The following GPRC6A variants were observed in gnomAD, a reference collection of about 807,000 sequenced individuals.
GPRC6A encodes G protein-coupled receptor class C group 6 member A, also known as G protein-coupled receptor family C group 6 member A.
GPRC6A carries 54 observed loss-of-function variants against 47.0 expected under a neutral mutation model. The observed-to-expected ratio is 1.15, with a 90% CI of 0.92 to 1.44. GPRC6A has a LOEUF of 1.44. Among genes scored for constraint, GPRC6A ranks in the 40% most tolerant of loss-of-function variants. GPRC6A has a pLI of 0.00. For missense variants in GPRC6A, 1,112 were observed against 1,105.5 expected, an observed-to-expected ratio of 1.01 and a Z score of -0.08; for synonymous variants, 347 against 377.1, an observed-to-expected ratio of 0.92 and a Z score of 0.93.
chr6:116,798,702 G>A (rs1384249608), intron 4 of GPRC6A, among the ~76,000 whole-genome samples: 1 of 151,900 alleles, frequency 6.6e-6, no homozygotes, highest in Non-Finnish European at 1.5e-5. Context: ...GGTCAACATG[G>A]TTAAACCTCG....
At chr6:116,799,764 T>C (rs1772601637) in intron 4 of GPRC6A, among the ~76,000 whole-genome samples, 1 of 152,128 alleles carries the variant, frequency 6.6e-6, no homozygotes, top group Non-Finnish European at 1.5e-5. Context: ...ATGTGTATAA[T>C]GTAGAAGAAA....
chr6:116,821,748 A>G (rs1178169966), intron 1 of GPRC6A, among the ~76,000 whole-genome samples: 1 of 152,014 alleles, frequency 6.6e-6, no homozygotes, highest in Non-Finnish European at 1.5e-5. Context: ...ACCTAAAACC[A>G]TAAAAACCCT....
At chr6:116,807,733 A>G (rs1772901169) in intron 2 of GPRC6A, among the ~76,000 whole-genome samples, 1 of 152,124 alleles carries the variant, frequency 6.6e-6, no homozygotes, top group Non-Finnish European at 1.5e-5. Flanking sequence ...TGTCATATCT[A>G]TTTTTTTGTT....
Position 116,806,622 on chromosome 6 carries a change from T to C in GPRC6A, c.1083A>G (p.Leu361=). ...TGTCCTTGACATATGCGCAGGCAGA[T>C]AAATGCATGGCATATTCATGTAAGA... ...HKLLHEYAMH[L]SACAYVKDTD... is the part of the protein sequence containing the mutation. Residue 361 remains leucine, a synonymous_variant, in exon 3 of 6, where the codon TTA becomes TTG. Coordinates refer to ENST00000310357, the MANE Select transcript of GPRC6A (RefSeq NM_148963.4). 1.2e-6 allele frequency: 2 copies of C among 1,613,482 alleles called. No homozygotes were observed. Among genetic ancestry groups the C allele is most frequent in the Non-Finnish European group, 1.7e-6 (2 of 1,179,610 alleles).
At chr6:116,813,722 C>A (rs954849623) in intron 1 of GPRC6A, among the ~76,000 whole-genome samples, 28 of 152,164 alleles carry the variant, frequency 1.8e-4, no homozygotes, top group Non-Finnish European at 3.2e-4. Context: ...ACTAAAACAC[C>A]AAAAGCAATG....
chr6:116,827,526 T>C (rs1167229642), intron 1 of GPRC6A, among the ~76,000 whole-genome samples: 1 of 151,978 alleles, frequency 6.6e-6, no homozygotes, highest in Non-Finnish European at 1.5e-5. Flanking sequence ...TAATAAGTAG[T>C]TGTGCAATGT....
chr6:116,817,143 C>T (rs1424805165), intron 1 of GPRC6A, among the ~76,000 whole-genome samples: 1 of 151,894 alleles, frequency 6.6e-6, no homozygotes, highest in African/African-American at 2.4e-5. Flanking sequence ...CCCTGTCTGA[C>T]AGCTTTGAAG....
chr6:116,809,246 G>A lies in GPRC6A; in HGVS notation c.498+68C>T, dbSNP rs1772946799. 2.3e-6 allele frequency: 3 copies of A among 1,324,890 alleles called. No homozygotes were observed. The South Asian group carries it at 4.1e-5, about 18-fold the overall frequency. The allele number at this position is 1,324,890 out of a possible 1,614,324, so 82.1% of individuals were successfully genotyped here. A position where few individuals can be genotyped will look rare whatever the true frequency, so the allele number is the denominator to read the frequency against. ...GTGACTCCCTAACTAGTTTCCTCAG[G>A]TTTCCCTGATCCTTTCATAATAACA... On this transcript the variant is annotated intron_variant, in intron 2 of 5. Coordinates refer to ENST00000310357, the MANE Select transcript of GPRC6A (RefSeq NM_148963.4).
chr6:116,807,337 TCTC>T (rs1248919515), intron 2 of GPRC6A, 131 bp from the exon 3 acceptor site: 1 of 635,788 alleles, frequency 1.6e-6, no homozygotes, highest in East Asian at 2.6e-5. Context: ...TTTTCATCCT[TCTC>T]CTTACTTAGC....
chr6:116,808,494 G>A (rs780619836), intron 2 of GPRC6A, among the ~76,000 whole-genome samples: 3 of 151,846 alleles, frequency 2.0e-5, no homozygotes, highest in Non-Finnish European at 2.9e-5. Context: ...TTTTATTACC[G>A]ATGTCACTAG....
At chr6:116,814,498 C>T (rs756209793) in intron 1 of GPRC6A, among the ~76,000 whole-genome samples, 20 of 152,078 alleles carry the variant, frequency 1.3e-4, no homozygotes, top group Non-Finnish European at 2.8e-4. Flanking sequence ...CAAACTGTCA[C>T]AAGGACAGAA....
chr6:116,812,920 CA>C (rs1582468541), intron 1 of GPRC6A, among the ~76,000 whole-genome samples: 2 of 152,308 alleles, frequency 1.3e-5, no homozygotes, highest in Middle Eastern at 3.4e-3. Flanking sequence ...TCTCAGAATA[CA>C]AAATCAATGT....
At position 116,809,439 on chromosome 6, in the gene GPRC6A, C is replaced by T; in HGVS notation, c.373G>A (p.Glu125Lys). The T allele has an allele frequency of 1.9e-6, 3 of 1,613,748 alleles. No homozygotes were observed. Among genetic ancestry groups the T allele is most frequent in the South Asian group, 1.1e-5 (1 of 91,070 alleles). Reference sequence around the variant, plus strand: ...TAGTCACACTTAAACTCCACAGTTTCTCTGGAGCAGTTGAATTTAGAAAGA... The same window carrying T: ...TAGTCACACTTAAACTCCACAGTTTTTCTGGAGCAGTTGAATTTAGAAAGA... ...RFLSKFNCSR[E>K]TVEFKCDYSS... is the part of the protein sequence containing the mutation. The change falls in exon 2 of 6, where the codon GAA (glutamate) becomes AAA (lysine). Residue 125 changes from glutamate to lysine, a missense_variant. By Grantham distance (56) the Glu-to-Lys change is moderately conservative. Coordinates refer to ENST00000310357, the MANE Select transcript of GPRC6A (RefSeq NM_148963.4).
At position 116,805,562 on chromosome 6, in the gene GPRC6A, A is replaced by C. The variant is rs187530408; in HGVS notation, c.1335+808T>G. 8.5e-5 allele frequency among the ~76,000 whole-genome samples: 13 copies of C among 152,230 alleles called. No homozygotes were observed. The East Asian group carries it at 1.9e-3, about 23-fold the overall frequency. On this transcript the variant is annotated intron_variant, in intron 3 of 5. Coordinates refer to ENST00000310357, the MANE Select transcript of GPRC6A (RefSeq NM_148963.4). ...GACATTTATTTCTAATAAGTAAAAC[A>C]TCATTATTAAAAGAAGCAATTTACT...
In GPRC6A at chr6:116,813,357, A is replaced by G. The variant is rs548519071; in HGVS notation, c.195-3740T>C. On this transcript the variant is annotated intron_variant, in intron 1 of 5. Coordinates refer to ENST00000310357, the MANE Select transcript of GPRC6A (RefSeq NM_148963.4). The stretch of plus-strand genomic sequence containing the variant: ...GCATTGTGCTACCTGACTTCAAACT[A>G]TACTACAAGGCTACAGTAACCAAAA... Among the ~76,000 whole-genome samples, 13 of 152,316 alleles carry G rather than the reference A, an allele frequency of 8.5e-5. 1 individual carries two copies. In the South Asian group the frequency reaches 2.5e-3, roughly 29 times the overall value.
At chr6:116,805,192 G>C (rs1179666834) in intron 3 of GPRC6A, among the ~76,000 whole-genome samples, 3 of 151,724 alleles carry the variant, frequency 2.0e-5, no homozygotes, top group South Asian at 4.2e-4. Context: ...ATTGAGAAAA[G>C]GTCCTAATCT....
intron 1 of GPRC6A, among the ~76,000 whole-genome samples, chr6:116,819,122 T>A (rs1431789029): frequency 6.6e-6 from 1 of 152,126 alleles, no homozygotes; most frequent in Non-Finnish European, 1.5e-5. Context: ...GGCCATTACA[T>A]AATGGTAAAG....
chr6:116,814,649 T>C (rs1336554009), intron 1 of GPRC6A, among the ~76,000 whole-genome samples: 1 of 152,038 alleles, frequency 6.6e-6, no homozygotes, highest in African/African-American at 2.4e-5. Context: ...AAATACTTAA[T>C]GTAAATGATG....
chr6:116,818,301 G>A (rs896115530), intron 1 of GPRC6A, among the ~76,000 whole-genome samples: 13 of 151,574 alleles, frequency 8.6e-5, no homozygotes, highest in Admixed American at 2.0e-4. Flanking sequence ...TTGGGAGGCC[G>A]AGGCGGGCGG....
Sources: gnomAD v4.1 joint callset for allele counts (sites outside exome capture counted in the v4.1 genomes callset) on GRCh38, gnomAD v4.1.1 for gene constraint, MANE v1.5 for transcripts, NCBI Gene and HGNC (gene_info 2026-07-23, HGNC 2026-07-21) for gene names.